PLCL2: variants seen among roughly 807,000 people sequenced by gnomAD.
PLCL2 encodes phospholipase C like 2, also known as inactive phospholipase C-like protein 2.
A neutral mutation model predicts 79.6 loss-of-function variants in PLCL2; 4 were observed. That is an observed-to-expected ratio of 0.05 (90% CI 0.02 to 0.11). PLCL2 has a LOEUF of 0.11. Among genes scored for constraint, PLCL2 ranks in the 10% least tolerant of loss-of-function variants. The pLI, the probability that PLCL2 is intolerant of heterozygous loss-of-function variation, is 1.00. For synonymous variants in PLCL2, 484 were observed against 457.7 expected, an observed-to-expected ratio of 1.06 and a Z score of -0.73; for missense variants, 895 against 1,291.0, an observed-to-expected ratio of 0.69 and a Z score of 4.70.
intron 3 of PLCL2, among the ~76,000 whole-genome samples, chr3:17,027,957 G>A (rs540123141): frequency 6.6e-6 from 1 of 152,304 alleles, no homozygotes; most frequent in South Asian, 2.1e-4. Flanking sequence ...ATCCACCTGA[G>A]CTGTGTGCTA....
At chr3:16,963,768 G>A (rs1350598433) in intron 1 of PLCL2, among the ~76,000 whole-genome samples, 2 of 151,878 alleles carry the variant, frequency 1.3e-5, no homozygotes, top group Non-Finnish European at 2.9e-5. Flanking sequence ...GTTAATTGAG[G>A]CTTGAGAAGG....
intron 4 of PLCL2, among the ~76,000 whole-genome samples, chr3:17,062,589 T>C (rs933077795): frequency 2.0e-5 from 3 of 152,222 alleles, no homozygotes; most frequent in Admixed American, 6.5e-5. Flanking sequence ...TTGAGACTTT[T>C]ATAGTGCCAT....
At chr3:16,947,246 A>G (rs2063611790) in intron 1 of PLCL2, among the ~76,000 whole-genome samples, 1 of 152,138 alleles carries the variant, frequency 6.6e-6, no homozygotes, top group African/African-American at 2.4e-5. Flanking sequence ...CACCGCATCC[A>G]GCTAAAGTTT....
intron 1 of PLCL2, among the ~76,000 whole-genome samples, chr3:16,943,092 G>T (rs1405530962): frequency 6.6e-6 from 1 of 152,106 alleles, no homozygotes; most frequent in Non-Finnish European, 1.5e-5. Flanking sequence ...GTCCTTATCT[G>T]CCTCCTCCTT....
At chr3:16,947,420 A>G (rs2063613112) in intron 1 of PLCL2, among the ~76,000 whole-genome samples, 1 of 152,198 alleles carries the variant, frequency 6.6e-6, no homozygotes, top group Admixed American at 6.5e-5. Flanking sequence ...AACCACACTC[A>G]GAAAATGGGG....
chr3:17,031,985 A>C (rs2064588523), intron 3 of PLCL2, among the ~76,000 whole-genome samples: 1 of 149,864 alleles, frequency 6.7e-6, no homozygotes, highest in African/African-American at 2.5e-5. Flanking sequence ...TCAGGACCAG[A>C]AACTACAAGA....
At chr3:16,990,911 A>T (rs1286504165) in intron 1 of PLCL2, among the ~76,000 whole-genome samples, 2 of 152,206 alleles carry the variant, frequency 1.3e-5, no homozygotes, top group African/African-American at 4.8e-5. Context: ...TGGTGATGCC[A>T]CCCAAAGGTT....
intron 1 of PLCL2, among the ~76,000 whole-genome samples, chr3:16,941,071 T>C (rs1697669499): frequency 6.6e-6 from 1 of 152,216 alleles, no homozygotes. Flanking sequence ...CTGACCTCTT[T>C]GGCCTTTTCC....
intron 1 of PLCL2, among the ~76,000 whole-genome samples, chr3:16,908,359 A>C (rs1696796599): frequency 6.6e-6 from 1 of 152,158 alleles, no homozygotes; most frequent in Admixed American, 6.5e-5. Context: ...AACTATCAAC[A>C]GTGTTCCAAT....
At chr3:16,982,578 G>T (rs1027574934) in intron 1 of PLCL2, among the ~76,000 whole-genome samples, 4 of 152,146 alleles carry the variant, frequency 2.6e-5, no homozygotes, top group African/African-American at 9.7e-5. Context: ...CCTGGGATGG[G>T]GTGTTGCCTG....
chr3:16,998,694 TCA>T (rs2064178153), intron 1 of PLCL2, among the ~76,000 whole-genome samples: 1 of 152,244 alleles, frequency 6.6e-6, no homozygotes, highest in Non-Finnish European at 1.5e-5. Flanking sequence ...ATATTTACTT[TCA>T]GGAAACATTT....
At chr3:17,026,697 AT>A (rs1315418303) in intron 3 of PLCL2, among the ~76,000 whole-genome samples, 1 of 152,032 alleles carries the variant, frequency 6.6e-6, no homozygotes, top group Non-Finnish European at 1.5e-5. Flanking sequence ...GTGAAACCCC[AT>A]CTCTACTAAA....
intron 1 of PLCL2, among the ~76,000 whole-genome samples, chr3:16,975,665 G>A (rs774038953): frequency 3.9e-5 from 6 of 152,112 alleles, no homozygotes; most frequent in African/African-American, 7.2e-5. Context: ...GACGTGGGGC[G>A]GCAGGAGTGT....
At chr3:16,933,348 C>G (rs544795328) in intron 1 of PLCL2, 1 of 154,598 alleles carries the variant, frequency 6.5e-6, no homozygotes, top group East Asian at 1.9e-4. Flanking sequence ...CTTTGTGTTT[C>G]TCCTCTAAAG....
At chr3:17,073,580 C>T (rs971607873) in intron 5 of PLCL2, among the ~76,000 whole-genome samples, 1 of 152,152 alleles carries the variant, frequency 6.6e-6, no homozygotes, top group South Asian at 2.1e-4. Context: ...CCACAGATTT[C>T]TCTGTAGCGT....
chr3:17,022,609 G>C (rs889594894), intron 3 of PLCL2, among the ~76,000 whole-genome samples: 2 of 152,174 alleles, frequency 1.3e-5, no homozygotes, highest in African/African-American at 2.4e-5. Flanking sequence ...TTCCAAAGCT[G>C]CGAGGAAGCA....
At position 16,887,326 on chromosome 3, in the gene PLCL2, G is replaced by C. The variant is rs956291389; in HGVS notation, c.327+1960G>C. On this transcript the variant is annotated intron_variant, in intron 1 of 5. Transcript: ENST00000615277. The surrounding 1 kb of genome is among the most constrained non-coding windows in gnomAD (Gnocchi z 4.1). ...ATAAAGTGCCAGGAATGTAGTAGCA[G>C]CTCAATAAATTGCTTATTGAATGAA... 6.6e-6 allele frequency among the ~76,000 whole-genome samples: 1 copy of C among 152,170 alleles called. No homozygotes were observed. Among genetic ancestry groups the C allele is most frequent in the African/African-American group, 2.4e-5 (1 of 41,442 alleles).
At chr3:16,979,937 C>T (rs2063965352) in intron 1 of PLCL2, among the ~76,000 whole-genome samples, 1 of 150,674 alleles carries the variant, frequency 6.6e-6, no homozygotes, top group Admixed American at 6.6e-5. Flanking sequence ...ACCCTCACCT[C>T]CCAGACAGGG....
chr3:16,924,123 G>A (rs1035764472), intron 1 of PLCL2, among the ~76,000 whole-genome samples: 1 of 152,138 alleles, frequency 6.6e-6, no homozygotes, highest in Non-Finnish European at 1.5e-5. Flanking sequence ...TCCTCAGGCA[G>A]TTTTTACTAG....
Sources: gnomAD v4.1 joint callset for allele counts (sites outside exome capture counted in the v4.1 genomes callset) on GRCh38, gnomAD v4.1.1 for gene constraint, Gnocchi (gnomAD v3.1) non-coding constraint, MANE v1.5 for transcripts, NCBI Gene and HGNC (gene_info 2026-07-23, HGNC 2026-07-21) for gene names.